The following OPCML variants were observed in gnomAD, a reference collection of about 807,000 sequenced individuals.
OPCML encodes the protein opioid binding protein/cell adhesion molecule like.
In OPCML, 13 loss-of-function variants were observed where a neutral mutation model predicts 37.8. The ratio of observed to expected loss-of-function variants is 0.34; its 90% CI spans 0.22 to 0.55. The LOEUF is 0.55. Ranked by LOEUF, OPCML falls within the 20% of genes least tolerant of loss-of-function variation. The pLI, the probability that OPCML is intolerant of heterozygous loss-of-function variation, is 0.91. For missense variants in OPCML, 341 were observed against 435.6 expected, an observed-to-expected ratio of 0.78 and a Z score of 1.93; for synonymous variants, 176 against 168.8, an observed-to-expected ratio of 1.04 and a Z score of -0.33.
intron 1 of OPCML, among the ~76,000 whole-genome samples, chr11:133,126,323 G>A (rs1267464239): frequency 6.6e-6 from 1 of 152,052 alleles, no homozygotes; most frequent in Non-Finnish European, 1.5e-5. Context: ...TCAGGCCCTC[G>A]ATGGACTGGA....
intron 1 of OPCML, chr11:133,025,635 T>G: frequency 4.4e-6 from 1 of 226,510 alleles, no homozygotes; most frequent in Non-Finnish European, 7.3e-6. Flanking sequence ...TTGGCCAGGC[T>G]AGTCTCAAGT....
intron 1 of OPCML, among the ~76,000 whole-genome samples, chr11:133,354,808 T>C (rs1412963066): frequency 6.6e-6 from 1 of 152,210 alleles, no homozygotes; most frequent in Admixed American, 6.5e-5. Context: ...AGGTATTCAG[T>C]TCAAGAAATT....
chr11:132,476,797 A>C (rs541979005), intron 4 of OPCML, among the ~76,000 whole-genome samples: 24 of 152,174 alleles, frequency 1.6e-4, no homozygotes, highest in Middle Eastern at 3.4e-3. Context: ...ATATGTAACA[A>C]ACCTGCATGT....
At chr11:133,128,564 C>T (rs1949554904) in intron 1 of OPCML, among the ~76,000 whole-genome samples, 1 of 152,156 alleles carries the variant, frequency 6.6e-6, no homozygotes, top group Non-Finnish European at 1.5e-5. Context: ...TAGTCCCTGC[C>T]AGTGGAGAGG....
At chr11:132,554,467 G>A (rs2096389763) in intron 3 of OPCML, among the ~76,000 whole-genome samples, 1 of 152,206 alleles carries the variant, frequency 6.6e-6, no homozygotes, top group Non-Finnish European at 1.5e-5. Flanking sequence ...TCAGAAGCCA[G>A]CTAGCTGCTG....
chr11:133,200,256 CAG>C (rs1482834861), intron 1 of OPCML, among the ~76,000 whole-genome samples: 2 of 152,216 alleles, frequency 1.3e-5, no homozygotes, highest in Admixed American at 1.3e-4. Flanking sequence ...GTCACGTGGG[CAG>C]AGATTGGCAC....
chr11:132,416,133 A>G lies in OPCML; in HGVS notation c.*4060T>C, dbSNP rs2095937871. 6.6e-6 allele frequency: 1 copy of G among 152,262 alleles called. No homozygotes were observed. Among genetic ancestry groups the G allele is most frequent in the African/African-American group, 2.4e-5 (1 of 41,468 alleles). The allele number at this position is 152,262 out of a possible 1,614,324, so 9.4% of individuals were successfully genotyped here. On this transcript the variant is annotated 3_prime_UTR_variant, in exon 8 of 8. Transcript: ENST00000524381. ...AAAAGAAAATAAATGCATTTTTTCC[A>G]AAAAGAAAAACCTTATGCTGCTTCC...
chr11:133,483,492 G>T (rs1467999066), intron 1 of OPCML, among the ~76,000 whole-genome samples: 1 of 151,534 alleles, frequency 6.6e-6, no homozygotes, highest in Non-Finnish European at 1.5e-5. Flanking sequence ...ATTTATAGAT[G>T]GATAGATAGA....
intron 2 of OPCML, among the ~76,000 whole-genome samples, chr11:132,782,619 T>C (rs1215077046): frequency 6.6e-6 from 1 of 152,072 alleles, no homozygotes; most frequent in Non-Finnish European, 1.5e-5. Context: ...AAAATATAAA[T>C]GACTTGCCAA....
At chr11:133,441,837 T>C (rs914565928) in intron 1 of OPCML, among the ~76,000 whole-genome samples, 4 of 152,204 alleles carry the variant, frequency 2.6e-5, no homozygotes, top group Non-Finnish European at 4.4e-5. Flanking sequence ...TATATATGTG[T>C]ATAAAGAACT....
chr11:133,203,321 T>C (rs1378841835), intron 1 of OPCML, among the ~76,000 whole-genome samples: 1 of 152,224 alleles, frequency 6.6e-6, no homozygotes, highest in Non-Finnish European at 1.5e-5. Context: ...GTAGATTCTC[T>C]ACAGATTCTA....
chr11:132,671,842 AAG>A (rs1179716131), intron 2 of OPCML, among the ~76,000 whole-genome samples: 1 of 152,214 alleles, frequency 6.6e-6, no homozygotes, highest in African/African-American at 2.4e-5. Context: ...GAAGAAAAAA[AAG>A]AGAAAAAAGA....
In OPCML at chr11:132,997,728, T is replaced by C. The variant is rs562567707; in HGVS notation, c.62-54718A>G. Among the ~76,000 whole-genome samples, 3 of 152,338 alleles carry C rather than the reference T, an allele frequency of 2.0e-5. No homozygotes were observed. In the South Asian group the frequency reaches 6.2e-4, roughly 32 times the overall value. On this transcript the variant is annotated intron_variant, in intron 1 of 7. Coordinates refer to ENST00000524381, the MANE Select transcript of OPCML (RefSeq NM_001012393.5). ...AGCTGCATCACATTGCATCTTATTT[T>C]GGTTGATTCCAAGAGCCTGTGTGTT... is the stretch of plus-strand genomic sequence containing the variant.
intron 4 of OPCML, among the ~76,000 whole-genome samples, chr11:132,490,849 G>A (rs2096213566): frequency 6.6e-6 from 1 of 151,402 alleles, no homozygotes; most frequent in South Asian, 2.1e-4. Context: ...TGAAGAACCT[G>A]TGTCTTCTCC....
intron 2 of OPCML, among the ~76,000 whole-genome samples, chr11:132,938,501 T>G (rs1211952945): frequency 6.6e-6 from 1 of 152,232 alleles, no homozygotes; most frequent in Non-Finnish European, 1.5e-5. Context: ...TCAGTTGTTA[T>G]TGAGGAGTTC....
At chr11:132,944,668 C>A (rs1049240907) in intron 1 of OPCML, among the ~76,000 whole-genome samples, 3 of 152,234 alleles carry the variant, frequency 2.0e-5, no homozygotes, top group Non-Finnish European at 4.4e-5. Context: ...AGCGGCGCCG[C>A]AGTGGTGCTG....
chr11:132,487,183 G>T (rs1244397765), intron 4 of OPCML, among the ~76,000 whole-genome samples: 1 of 152,176 alleles, frequency 6.6e-6, no homozygotes, highest in Non-Finnish European at 1.5e-5. Flanking sequence ...AGAAAAACAG[G>T]TTGACTCGGG....
At chr11:132,706,408 G>A (rs1272971301) in intron 2 of OPCML, among the ~76,000 whole-genome samples, 1 of 152,158 alleles carries the variant, frequency 6.6e-6, no homozygotes, top group African/African-American at 2.4e-5. Flanking sequence ...AGGGTTCCAC[G>A]ACTCTCAGTT....
chr11:132,855,393 T>C (rs1942015599), intron 2 of OPCML, among the ~76,000 whole-genome samples: 1 of 152,202 alleles, frequency 6.6e-6, no homozygotes, highest in Non-Finnish European at 1.5e-5. Context: ...GAGAGGCTGA[T>C]TTGAGTAATA....
Sources: gnomAD v4.1 joint callset for allele counts (sites outside exome capture counted in the v4.1 genomes callset) on GRCh38, gnomAD v4.1.1 for gene constraint, MANE v1.5 for transcripts, NCBI Gene and HGNC (gene_info 2026-07-23, HGNC 2026-07-21) for gene names.